RIMS3: variants seen among roughly 807,000 people sequenced by gnomAD.
RIMS3 encodes the protein regulating synaptic membrane exocytosis 3.
Under a neutral mutation model 29.2 loss-of-function variants are expected in RIMS3, and 15 were observed. That is an observed-to-expected ratio of 0.51 (90% CI 0.34 to 0.79). RIMS3 has a LOEUF of 0.79. RIMS3 is among the 30% of genes least tolerant of loss of function. The pLI is 0.01. For synonymous variants in RIMS3, 161 were observed against 170.1 expected (o/e 0.95, Z 0.41); for missense variants, 342 against 421.4 (o/e 0.81, Z 1.65).
At chr1:40,640,246 T>C (rs1196767255) in intron 3 of RIMS3, among the ~76,000 whole-genome samples, 2 of 151,992 alleles carry the variant, frequency 1.3e-5, no homozygotes, top group African/African-American at 4.8e-5. Context: ...AATTTCTAGA[T>C]CCCTAAGTCC....
intron 4 of RIMS3, 46 bp from the exon 5 acceptor site, chr1:40,633,227 G>C: frequency 2.7e-6 from 4 of 1,460,644 alleles, no homozygotes; most frequent in Non-Finnish European, 3.8e-6. Flanking sequence ...AGGGCAACCT[G>C]AGGATGAAAG....
Position 40,635,654 on chromosome 1 carries a change from G to T in RIMS3, c.359+262C>A, listed in dbSNP as rs1420699559. Among the ~76,000 whole-genome samples, 10 of 152,174 alleles carry T rather than the reference G, an allele frequency of 6.6e-5. No homozygotes were observed. Among genetic ancestry groups the T allele is most frequent in the Admixed American group, 6.5e-4 (10 of 15,280 alleles). ...GTGTGTGCGTGGTGGGAGGTGGGAGGTGGGAGGTAAGGGTCCCTTCCTGAA... is the reference window on the plus strand; with the variant it reads ...GTGTGTGCGTGGTGGGAGGTGGGAGTTGGGAGGTAAGGGTCCCTTCCTGAA... On this transcript the variant is annotated intron_variant, in intron 4 of 7. Transcript: ENST00000372684. The surrounding 1 kb of genome is among the most constrained non-coding windows in gnomAD (Gnocchi z 4.1).
At chr1:40,683,800 A>G in the RIMS3 span, among the ~76,000 whole-genome samples, 1 of 152,212 alleles carries the variant, frequency 6.6e-6, no homozygotes. Flanking sequence ...TCTGTTGGAT[A>G]GTGTTGGTTA....
At position 40,628,963 on chromosome 1, in the gene RIMS3, G is replaced by A. The variant is rs777785071; in HGVS notation, c.575-14C>T. On this transcript the variant is annotated splice_polypyrimidine_tract_variant and intron_variant, in intron 6 of 7. Coordinates refer to ENST00000372684, the MANE Select transcript of RIMS3 (RefSeq NM_014747.3). The stretch of plus-strand genomic sequence containing the variant: ...TGATATAGGTGGCTAAGGGAGGAGA[G>A]AATGTATGACAGGGAGGGGTCCAGG... The A allele has an allele frequency of 6.2e-7, 1 of 1,612,834 alleles. No homozygotes were observed. Among genetic ancestry groups the A allele is most frequent in the East Asian group, 2.2e-5 (1 of 44,876 alleles).
chr1:40,650,893 A>G (rs1646628205), intron 1 of RIMS3, among the ~76,000 whole-genome samples: 2 of 144,284 alleles, frequency 1.4e-5, no homozygotes, highest in African/African-American at 5.0e-5. Flanking sequence ...AAAAAAAAAG[A>G]GCCACTTAGC....
At chr1:40,678,407 CA>C in the RIMS3 span, among the ~76,000 whole-genome samples, 1 of 152,140 alleles carries the variant, frequency 6.6e-6, no homozygotes, top group Non-Finnish European at 1.5e-5. Context: ...GACTCCATCT[CA>C]AACAAACAAA....
chr1:40,630,359 C>T (rs1646482230), intron 5 of RIMS3, among the ~76,000 whole-genome samples: 1 of 152,118 alleles, frequency 6.6e-6, no homozygotes, highest in South Asian at 2.1e-4. Flanking sequence ...CATTGGTTGG[C>T]AGAATTTGGA....
the RIMS3 span, among the ~76,000 whole-genome samples, chr1:40,672,347 C>T: frequency 2.2e-3 from 341 of 151,860 alleles, 2 homozygotes; most frequent in Non-Finnish European, 2.9e-3. Flanking sequence ...TACAGGTGCC[C>T]GCCACCACGC....
chr1:40,688,049 C>G, the RIMS3 span, among the ~76,000 whole-genome samples: 1 of 152,224 alleles, frequency 6.6e-6, no homozygotes, highest in Non-Finnish European at 1.5e-5. Context: ...ATTGCAACCT[C>G]TGCCTCCCAG....
rs141237917 is a variant in RIMS3, at chr1:40,654,739, GACACAC to G, written c.-206-6903_-206-6898del. Among the ~76,000 whole-genome samples the G allele has an allele frequency of 2.6e-5, 4 of 151,222 alleles. No homozygotes were observed. The highest frequency in any genetic ancestry group is 9.7e-5 in the African/African-American group (4 of 41,098). ...ATCGCATGAAGATACATTCACCACA[GACACAC>G]ACACACACAGTGCACACACAATATG... On this transcript the variant is annotated intron_variant, in intron 1 of 7. Coordinates refer to ENST00000372684, the MANE Select transcript of RIMS3 (RefSeq NM_014747.3). This position sits in a 1 kb window ranked among gnomAD's most constrained non-coding sequence, Gnocchi z 5.3.
intron 1 of RIMS3, among the ~76,000 whole-genome samples, chr1:40,653,177 A>G (rs988341803): frequency 1.2e-4 from 18 of 152,212 alleles, no homozygotes; most frequent in African/African-American, 4.3e-4. Context: ...TCAGGAGAGC[A>G]AGGTGAGTAG....
chr1:40,627,833 G>A (rs1400413381), intron 7 of RIMS3, among the ~76,000 whole-genome samples: 1 of 151,662 alleles, frequency 6.6e-6, no homozygotes, highest in Admixed American at 6.6e-5. Flanking sequence ...TCAAACTCTT[G>A]GACTCAAGTG....
intron 1 of RIMS3, among the ~76,000 whole-genome samples, chr1:40,655,561 G>C (rs951070675): frequency 2.6e-5 from 4 of 152,220 alleles, no homozygotes; most frequent in African/African-American, 9.6e-5. Context: ...CAGCGCAGCA[G>C]GGGGAGACCC....
chr1:40,630,179 C>T (rs1165154911), intron 5 of RIMS3, among the ~76,000 whole-genome samples: 1 of 152,018 alleles, frequency 6.6e-6, no homozygotes, highest in East Asian at 1.9e-4. Context: ...ACAACAAGGG[C>T]CTACTACTGC....
At chr1:40,677,727 T>G in the RIMS3 span, among the ~76,000 whole-genome samples, 2 of 150,300 alleles carry the variant, frequency 1.3e-5, no homozygotes, top group Non-Finnish European at 3.0e-5. Flanking sequence ...AATAATTAAT[T>G]AAAAAAAAAG....
At chr1:40,670,598 A>ATATATATATATATT (rs1432559399), upstream of RIMS3, among the ~76,000 whole-genome samples, 1 of 131,188 alleles carries the variant, frequency 7.6e-6, no homozygotes, top group Non-Finnish European at 1.6e-5. Flanking sequence ...ATATATATAT[A>ATATATATATATATT]TATATATATA....
chr1:40,687,968 G>C, the RIMS3 span, among the ~76,000 whole-genome samples: 1 of 152,014 alleles, frequency 6.6e-6, no homozygotes, highest in Non-Finnish European at 1.5e-5. Context: ...TTTTAGTGCC[G>C]CTTTTCTATT....
the RIMS3 span, among the ~76,000 whole-genome samples, chr1:40,686,003 G>A: frequency 1.3e-5 from 2 of 152,088 alleles, no homozygotes; most frequent in Non-Finnish European, 2.9e-5. Flanking sequence ...CAAAAAATTA[G>A]CTGGGTGTGG....
At chr1:40,656,153 G>A (rs1019232371) in intron 1 of RIMS3, among the ~76,000 whole-genome samples, 2 of 152,238 alleles carry the variant, frequency 1.3e-5, no homozygotes, top group Non-Finnish European at 2.9e-5. Context: ...AGGATCACTT[G>A]AGTCCAGGAG....
Sources: allele counts gnomAD v4.1 joint callset (sites outside exome capture counted in the v4.1 genomes callset), GRCh38; gene constraint gnomAD v4.1.1; non-coding constraint Gnocchi (gnomAD v3.1); transcripts MANE v1.5; gene names NCBI Gene and HGNC (gene_info 2026-07-23, HGNC 2026-07-21).